KDM4C: variants seen among roughly 807,000 people sequenced by gnomAD.
The protein encoded by KDM4C is lysine demethylase 4C.
A neutral mutation model predicts 129.3 loss-of-function variants in KDM4C; 81 were observed. The observed-to-expected ratio is 0.63, with a 90% CI of 0.52 to 0.75. KDM4C has a LOEUF of 0.75. Ranked by LOEUF, KDM4C falls within the 30% of genes least tolerant of loss-of-function variation. KDM4C has a pLI of 0.00. For missense variants in KDM4C, 1,457 were observed against 1,304.0 expected, an observed-to-expected ratio of 1.12 and a Z score of -1.81; for synonymous variants, 573 against 456.1, an observed-to-expected ratio of 1.26 and a Z score of -3.26.
At chr9:7,147,950 CGGCTCATGCTACT>C (rs1842364847) in intron 19 of KDM4C, among the ~76,000 whole-genome samples, 2 of 152,178 alleles carry the variant, frequency 1.3e-5, no homozygotes, top group South Asian at 4.1e-4. Context: ...AGGCTGTGCT[CGGCTCATGCTACT>C]GGCCCGGATC....
At chr9:6,948,978 G>A (rs1346466801) in intron 8 of KDM4C, among the ~76,000 whole-genome samples, 4 of 152,318 alleles carry the variant, frequency 2.6e-5, no homozygotes, top group East Asian at 3.9e-4. Context: ...ATCATGGCCC[G>A]TTCTCATTGA....
intron 7 of KDM4C, among the ~76,000 whole-genome samples, chr9:6,890,172 G>A (rs1845916741): frequency 6.6e-6 from 1 of 152,190 alleles, no homozygotes; most frequent in Non-Finnish European, 1.5e-5. Context: ...CGTAACATAT[G>A]ATAGGGCAGC....
chr9:6,968,668 C>G (rs1223603969), intron 8 of KDM4C, among the ~76,000 whole-genome samples: 1 of 152,134 alleles, frequency 6.6e-6, no homozygotes. Flanking sequence ...TGAAAATAGG[C>G]TTCCAAAAAC....
Position 6,793,037 on chromosome 9 carries a change from A to ATGAC in KDM4C, c.50_53dup (p.Phe19AspfsTer22), listed in dbSNP as rs755559851. 1.9e-6 allele frequency: 3 copies of ATGAC among 1,614,062 alleles called. No homozygotes were observed. The African/African-American group carries it at 4.0e-5, about 22-fold the overall frequency. On this transcript the variant is annotated frameshift_variant, in exon 2 of 22. Transcript: ENST00000381309. LOFTEE classifies it high-confidence loss of function. ...TCCTCTGAACCCCAGCTGTAAGATA[A>ATGAC]TGACCTTCAGACCCTCCATGGAGGA...
At chr9:7,047,903 G>A (rs531710893) in intron 16 of KDM4C, among the ~76,000 whole-genome samples, 9 of 152,144 alleles carry the variant, frequency 5.9e-5, no homozygotes, top group African/African-American at 2.2e-4. Context: ...CTGGAGTTAG[G>A]ACTCCTGGTG....
chr9:6,901,792 T>C (rs1033353530), intron 8 of KDM4C, among the ~76,000 whole-genome samples: 4 of 152,208 alleles, frequency 2.6e-5, no homozygotes, highest in African/African-American at 7.2e-5. Context: ...TCGTGACACA[T>C]ATTTACTTTT....
At chr9:6,863,973 T>TTGAG (rs2130513516) in intron 5 of KDM4C, among the ~76,000 whole-genome samples, 1 of 152,194 alleles carries the variant, frequency 6.6e-6, no homozygotes, top group African/African-American at 2.4e-5. Context: ...ACCTCCAACA[T>TTGAG]TGAGGATCAG....
intron 4 of KDM4C, among the ~76,000 whole-genome samples, chr9:6,846,886 C>G (rs1285553958): frequency 6.6e-6 from 1 of 152,102 alleles, no homozygotes; most frequent in Non-Finnish European, 1.5e-5. Context: ...CTCCGAGCAA[C>G]TCTAGGAGGG....
At chr9:6,913,544 C>T (rs902757400) in intron 8 of KDM4C, among the ~76,000 whole-genome samples, 2 of 152,176 alleles carry the variant, frequency 1.3e-5, no homozygotes, top group Non-Finnish European at 2.9e-5. Context: ...AGGCAAAGGG[C>T]TGTTACCTAT....
chr9:6,990,587 TA>T (rs1350961581), intron 12 of KDM4C, 63 bp downstream of exon 12: 81 of 1,079,154 alleles, frequency 7.5e-5, no homozygotes, highest in Admixed American at 1.1e-4. Context: ...CAAACTATTG[TA>T]AAAAAAATTG....
intron 1 of KDM4C, chr9:6,748,896 G>A (rs752138563): frequency 3.3e-5 from 32 of 960,176 alleles, no homozygotes; most frequent in Non-Finnish European, 3.6e-5. Context: ...CTGAATCTGC[G>A]ATCTATTTTG....
intron 1 of KDM4C, among the ~76,000 whole-genome samples, chr9:6,732,462 G>A (rs567098100): frequency 2.0e-5 from 3 of 150,826 alleles, no homozygotes; most frequent in South Asian, 4.2e-4. Flanking sequence ...TTGGGAGGCC[G>A]AGGTGGGTGG....
At chr9:6,973,352 A>G (rs1018081369) in intron 8 of KDM4C, among the ~76,000 whole-genome samples, 8 of 152,148 alleles carry the variant, frequency 5.3e-5, no homozygotes, top group Non-Finnish European at 8.8e-5. Context: ...GCCCCTGACC[A>G]TATTGTTAAC....
At chr9:7,052,908 A>C (rs1180646609) in intron 17 of KDM4C, among the ~76,000 whole-genome samples, 1 of 33,442 alleles carries the variant, frequency 3.0e-5, no homozygotes. Flanking sequence ...AGAGCGAGCG[A>C]GTGCCCAAGG....
intron 8 of KDM4C, among the ~76,000 whole-genome samples, chr9:6,929,756 AAGGAT>A (rs1402411292): frequency 6.6e-6 from 1 of 152,134 alleles, no homozygotes; most frequent in African/African-American, 2.4e-5. Flanking sequence ...TGCAAGCAGA[AAGGAT>A]ACTTTTGTGG....
chr9:6,936,137 C>G (rs950676596), intron 8 of KDM4C, among the ~76,000 whole-genome samples: 3 of 151,902 alleles, frequency 2.0e-5, no homozygotes, highest in Admixed American at 6.6e-5. Context: ...TTATTCAAAT[C>G]CTAGAGAGAA....
At chr9:6,930,057 T>A (rs184642959) in intron 8 of KDM4C, among the ~76,000 whole-genome samples, 35 of 152,312 alleles carry the variant, frequency 2.3e-4, no homozygotes, top group Non-Finnish European at 3.2e-4. Flanking sequence ...ATGCATTTGA[T>A]TTAATTGGTT....
chr9:6,896,348 G>A (rs900529091), intron 8 of KDM4C, among the ~76,000 whole-genome samples: 1 of 152,034 alleles, frequency 6.6e-6, no homozygotes, highest in Non-Finnish European at 1.5e-5. Context: ...GTCACATGGG[G>A]TTTATTGAAT....
At chr9:7,075,804 T>G (rs1833842881) in intron 17 of KDM4C, among the ~76,000 whole-genome samples, 2 of 151,912 alleles carry the variant, frequency 1.3e-5, no homozygotes, top group Admixed American at 1.3e-4. Flanking sequence ...TTAATCATTC[T>G]GAGGATTTTT....
Sources: gnomAD v4.1 joint callset for allele counts (sites outside exome capture counted in the v4.1 genomes callset) on GRCh38, gnomAD v4.1.1 for gene constraint, MANE v1.5 for transcripts, NCBI Gene and HGNC (gene_info 2026-07-23, HGNC 2026-07-21) for gene names.